Variants in CRADD observed in about 807,000 individuals in gnomAD.
CRADD encodes death domain-containing protein CRADD.
A neutral mutation model predicts 15.5 loss-of-function variants in CRADD; 9 were observed. The ratio of observed to expected loss-of-function variants is 0.58; its 90% confidence interval spans 0.35 to 1.01. The LOEUF is 1.01. CRADD is among the 50% of genes least tolerant of loss of function. The probability of loss-of-function intolerance (pLI) is 0.02; values close to 1 mark genes in which losing one functional copy is unlikely to be tolerated. For synonymous variants in CRADD, 118 were observed against 107.6 expected (o/e 1.10, Z -0.60); for missense variants, 227 against 250.3 (o/e 0.91, Z 0.63).
intron 2 of CRADD, among the ~76,000 whole-genome samples, chr12:93,698,761 G>T (rs1171649855): frequency 6.6e-6 from 1 of 152,084 alleles, no homozygotes; most frequent in Admixed American, 6.5e-5. Flanking sequence ...AAAATAGTTT[G>T]TGCACTTTTA....
intron 2 of CRADD, among the ~76,000 whole-genome samples, chr12:93,798,766 G>C (rs1957446976): frequency 6.6e-6 from 1 of 152,196 alleles, no homozygotes; most frequent in Admixed American, 6.5e-5. Context: ...CCTTTGGCAA[G>C]AACTTCCCCT....
chr12:93,887,588 T>C lies in CRADD; in HGVS notation c.299-6462T>C, dbSNP rs565002531. 3.3e-5 allele frequency among the ~76,000 whole-genome samples: 5 copies of C among 152,268 alleles called. No homozygotes were observed. The South Asian group carries it at 1.0e-3, about 32-fold the overall frequency. The stretch of plus-strand genomic sequence containing the variant: ...AAATCGCCAAGGTGTTAATAGTCGG[T>C]TCTTGGTATTGTTAAAGCACAGTTT... On this transcript the variant is annotated intron_variant, in intron 2 of 2. Transcript: ENST00000548483.
Position 93,752,100 on chromosome 12 carries a change from G to A in CRADD, c.298+73028G>A, listed in dbSNP as rs77679418. Among the ~76,000 whole-genome samples the A allele has an allele frequency of 3.0e-3, 456 of 152,338 alleles. 2 individuals carry two copies. The highest frequency in any genetic ancestry group is 9.6e-3 in the African/African-American group (400 of 41,580). Reference sequence around the variant, plus strand: ...TGTATGCTTGAGAGCCCTTTAAAGCGTCTTTACTTGCTAAGGGCGCTATGA... The same window carrying A: ...TGTATGCTTGAGAGCCCTTTAAAGCATCTTTACTTGCTAAGGGCGCTATGA... On this transcript the variant is annotated intron_variant, in intron 2 of 2. Transcript: ENST00000332896.
intron 2 of CRADD, among the ~76,000 whole-genome samples, chr12:93,689,463 A>T (rs1234549931): frequency 6.6e-6 from 1 of 152,250 alleles, no homozygotes; most frequent in Admixed American, 6.5e-5. Context: ...AAAAAAAGAA[A>T]AAAAGGTATG....
At chr12:93,770,096 CTTT>C (rs34791279) in intron 2 of CRADD, among the ~76,000 whole-genome samples, 1 of 129,984 alleles carries the variant, frequency 7.7e-6, no homozygotes, top group Non-Finnish European at 1.6e-5. Context: ...CCTATGTTAT[CTTT>C]TTTTTTTTTT....
chr12:93,771,775 T>C (rs1164600673), intron 2 of CRADD, among the ~76,000 whole-genome samples: 2 of 152,196 alleles, frequency 1.3e-5, no homozygotes, highest in Non-Finnish European at 2.9e-5. Flanking sequence ...TCCAGAAAAC[T>C]GGGTTCTAGA....
In CRADD at chr12:93,691,117, A is replaced by C. The variant is rs370005792; in HGVS notation, c.298+12045A>C. ...ATTAATTAGTTATGTGCTACGGGCA[A>C]ATGTGACTTTTCAGGCCTTTCATAT... On this transcript the variant is annotated intron_variant, in intron 2 of 2. Coordinates refer to ENST00000332896, the MANE Select transcript of CRADD (RefSeq NM_003805.5). Among the ~76,000 whole-genome samples the C allele has an allele frequency of 2.6e-4, 39 of 152,282 alleles. 1 individual carries two copies. The South Asian group carries it at 8.1e-3, about 32-fold the overall frequency.
At chr12:93,772,497 C>G (rs1178868916) in intron 2 of CRADD, among the ~76,000 whole-genome samples, 1 of 152,188 alleles carries the variant, frequency 6.6e-6, no homozygotes, top group Non-Finnish European at 1.5e-5. Flanking sequence ...CTTCTGACAC[C>G]TCATATTGGA....
chr12:93,888,820 T>C (rs1958556547), intron 2 of CRADD, among the ~76,000 whole-genome samples: 1 of 152,146 alleles, frequency 6.6e-6, no homozygotes. Flanking sequence ...GAGATTGTTG[T>C]CAGATGTGTG....
intron 2 of CRADD, among the ~76,000 whole-genome samples, chr12:93,731,907 C>T (rs147277518): frequency 0.015 from 2,220 of 152,224 alleles, 60 homozygotes; most frequent in African/African-American, 0.05. Flanking sequence ...GAGGCTGAGG[C>T]AGGCAGATCA....
chr12:93,801,621 A>G (rs1266585137), intron 2 of CRADD, among the ~76,000 whole-genome samples: 2 of 151,968 alleles, frequency 1.3e-5, no homozygotes, highest in Admixed American at 1.3e-4. Context: ...CTGGTCTTGA[A>G]CTCCTGACCT....
intron 2 of CRADD, among the ~76,000 whole-genome samples, chr12:93,882,742 T>C (rs1442295929): frequency 1.3e-5 from 2 of 152,212 alleles, no homozygotes; most frequent in African/African-American, 4.8e-5. Context: ...GAAGACAGCG[T>C]TGTCTTCAAG....
At chr12:93,696,127 G>A (rs1317270004) in intron 2 of CRADD, among the ~76,000 whole-genome samples, 2 of 152,184 alleles carry the variant, frequency 1.3e-5, no homozygotes, top group East Asian at 3.8e-4. Flanking sequence ...TGGAACCTTT[G>A]CATACTTGGT....
intron 2 of CRADD, among the ~76,000 whole-genome samples, chr12:93,688,593 C>T (rs1009550044): frequency 6.6e-6 from 1 of 151,968 alleles, no homozygotes; most frequent in Non-Finnish European, 1.5e-5. Context: ...GACTTACTGT[C>T]TGCCAGCTAT....
At chr12:93,792,624 A>C (rs1303841416) in intron 2 of CRADD, among the ~76,000 whole-genome samples, 1 of 152,208 alleles carries the variant, frequency 6.6e-6, no homozygotes, top group Non-Finnish European at 1.5e-5. Context: ...TATAGCAGTA[A>C]TATTTTCTAT....
At chr12:93,845,289 T>G (rs1425284574) in intron 2 of CRADD, among the ~76,000 whole-genome samples, 1 of 151,946 alleles carries the variant, frequency 6.6e-6, no homozygotes, top group Non-Finnish European at 1.5e-5. Context: ...GTGAGGAGAG[T>G]GTCAAAAGAT....
intron 2 of CRADD, chr12:93,849,268 C>G (rs1958177957): frequency 6.6e-6 from 1 of 152,302 alleles, no homozygotes; most frequent in African/African-American, 2.4e-5. Context: ...CTTGAATTCC[C>G]CCAGAATGCC....
Position 93,732,166 on chromosome 12 carries a change from C to G in CRADD, c.298+53094C>G, listed in dbSNP as rs536350907. On this transcript the variant is annotated intron_variant, in intron 2 of 2. Transcript: ENST00000332896. ...AAAAAAAAAAAAAGAAAGAAAGAAACAGTGAAATCTAGTATTTTATATGAC... is the reference window on the plus strand; with the variant it reads ...AAAAAAAAAAAAAGAAAGAAAGAAAGAGTGAAATCTAGTATTTTATATGAC... 2.7e-5 allele frequency among the ~76,000 whole-genome samples: 4 copies of G among 149,864 alleles called. No individual in the cohort carries two copies. In the South Asian group the frequency reaches 6.3e-4, roughly 24 times the overall value.
At chr12:93,795,758 A>C (rs1211508627) in intron 2 of CRADD, among the ~76,000 whole-genome samples, 2 of 152,192 alleles carry the variant, frequency 1.3e-5, no homozygotes, top group East Asian at 3.8e-4. Context: ...ATTAGCTGCT[A>C]GGAAGGCCCT....
Sources: gnomAD v4.1 joint callset for allele counts (sites outside exome capture counted in the v4.1 genomes callset) on GRCh38, gnomAD v4.1.1 for gene constraint, MANE v1.5 for transcripts, NCBI Gene and HGNC (gene_info 2026-07-23, HGNC 2026-07-21) for gene names.